Variants in RBFOX1 observed in about 807,000 individuals in gnomAD.
RBFOX1 encodes the protein RNA binding fox-1 homolog 1.
Under a neutral mutation model 57.7 loss-of-function variants are expected in RBFOX1, and 8 were observed. The ratio of observed to expected loss-of-function variants is 0.14; its 90% CI spans 0.08 to 0.25. The LOEUF (loss-of-function observed/expected upper bound fraction) is 0.25, where lower values mean the gene tolerates loss of function less well. Ranked by LOEUF, RBFOX1 falls within the 10% of genes least tolerant of loss-of-function variation. The pLI is 1.00. For missense variants in RBFOX1, 611 were observed against 548.5 expected (o/e 1.11, Z -1.14); for synonymous variants, 326 against 222.4 (o/e 1.47, Z -4.15).
intron 3 of RBFOX1, among the ~76,000 whole-genome samples, chr16:6,760,358 T>C (rs1225646793): frequency 6.6e-6 from 1 of 152,218 alleles, no homozygotes; most frequent in African/African-American, 2.4e-5. Context: ...TTCAGTCTTT[T>C]GTTTTTAAAG....
At chr16:7,237,315 A>T (rs1603428217) in intron 4 of RBFOX1, among the ~76,000 whole-genome samples, 1 of 152,162 alleles carries the variant, frequency 6.6e-6, no homozygotes, top group East Asian at 1.9e-4. Flanking sequence ...TGAGCATTTG[A>T]ATGAGTCATC....
chr16:5,332,617 T>G (rs1170590883), intron 1 of RBFOX1, among the ~76,000 whole-genome samples: 1 of 149,920 alleles, frequency 6.7e-6, no homozygotes, highest in East Asian at 2.0e-4. Context: ...AATATATATA[T>G]TACAATTACA....
chr16:6,478,407 ATATATATATATATATATATATATTTT>A (rs1315166797), intron 2 of RBFOX1, among the ~76,000 whole-genome samples: 1 of 18,480 alleles, frequency 5.4e-5, no homozygotes, highest in African/African-American at 3.2e-4. Flanking sequence ...ATATATATAT[ATATATATATATATATATATATATTTT>A]TTTTTTTTTT....
At chr16:7,322,733 A>G (rs1430869536) in intron 4 of RBFOX1, among the ~76,000 whole-genome samples, 4 of 152,186 alleles carry the variant, frequency 2.6e-5, no homozygotes, top group Non-Finnish European at 5.9e-5. Context: ...GCTCAATGGT[A>G]TGGGAAAAAG....
intron 4 of RBFOX1, among the ~76,000 whole-genome samples, chr16:7,065,409 C>T (rs1203321073): frequency 6.6e-6 from 1 of 152,146 alleles, no homozygotes; most frequent in Non-Finnish European, 1.5e-5. Context: ...TCCAAGCACC[C>T]TGCCTCGTTC....
At chr16:7,239,929 T>C (rs2093971083) in intron 4 of RBFOX1, among the ~76,000 whole-genome samples, 1 of 152,188 alleles carries the variant, frequency 6.6e-6, no homozygotes, top group Non-Finnish European at 1.5e-5. Context: ...TCAATTGTAA[T>C]CAAATTCCAA....
At chr16:6,940,123 C>A (rs780591651) in intron 3 of RBFOX1, among the ~76,000 whole-genome samples, 3 of 152,024 alleles carry the variant, frequency 2.0e-5, no homozygotes, top group Admixed American at 6.6e-5. Context: ...ACCCAGGAGG[C>A]GGAGGTTGCA....
chr16:7,024,323 G>C (rs1335228238), intron 3 of RBFOX1, among the ~76,000 whole-genome samples: 1 of 152,048 alleles, frequency 6.6e-6, no homozygotes, highest in Non-Finnish European at 1.5e-5. Context: ...GTGCCATCCT[G>C]GTACCATAAG....
At chr16:7,356,838 T>C (rs2097222496) in intron 4 of RBFOX1, among the ~76,000 whole-genome samples, 1 of 152,214 alleles carries the variant, frequency 6.6e-6, no homozygotes, top group Admixed American at 6.5e-5. Context: ...GGACTTACTA[T>C]TATGCGTAGT....
chr16:7,004,923 C>G (rs948370638), intron 3 of RBFOX1, among the ~76,000 whole-genome samples: 3 of 152,122 alleles, frequency 2.0e-5, no homozygotes, highest in Non-Finnish European at 4.4e-5. Context: ...GTGGGCCGAT[C>G]ACTTGAGGTC....
At chr16:7,331,034 C>T (rs1471002593) in intron 4 of RBFOX1, among the ~76,000 whole-genome samples, 1 of 152,210 alleles carries the variant, frequency 6.6e-6, no homozygotes, top group East Asian at 1.9e-4. Context: ...CACTTTGATG[C>T]ATGAGAATCA....
intron 2 of RBFOX1, among the ~76,000 whole-genome samples, chr16:6,376,527 G>A (rs902657267): frequency 4.6e-5 from 7 of 152,126 alleles, no homozygotes; most frequent in African/African-American, 1.2e-4. Flanking sequence ...TTGCAGCTGC[G>A]TTTTTGAAAG....
intron 4 of RBFOX1, among the ~76,000 whole-genome samples, chr16:7,331,120 G>A (rs1474032432): frequency 2.6e-5 from 4 of 152,144 alleles, no homozygotes; most frequent in Admixed American, 6.5e-5. Flanking sequence ...CCTGTCCGCC[G>A]TCGTTATCTA....
Position 7,710,899 on chromosome 16 carries a change from A to G in RBFOX1, c.*154A>G. On this transcript the variant is annotated 3_prime_UTR_variant, in exon 16 of 16. Coordinates refer to ENST00000550418, the MANE Select transcript of RBFOX1 (RefSeq NM_018723.4). Reference sequence around the variant, plus strand: ...AAAAAAATTACATTTTTTATCTTATACCTCAGATATTTTGTTCTGTGTATT... The same window carrying G: ...AAAAAAATTACATTTTTTATCTTATGCCTCAGATATTTTGTTCTGTGTATT... 1 of 812,330 alleles carries G rather than the reference A, an allele frequency of 1.2e-6. No homozygotes were observed. Among genetic ancestry groups the G allele is most frequent in the Non-Finnish European group, 1.7e-6 (1 of 588,012 alleles). The allele number at this position is 812,330 out of a possible 1,614,324, so 50.3% of individuals were successfully genotyped here. A position where few individuals can be genotyped will look rare whatever the true frequency, so the allele number is the denominator to read the frequency against.
intron 4 of RBFOX1, among the ~76,000 whole-genome samples, chr16:7,296,033 C>T (rs779498910): frequency 1.3e-5 from 2 of 151,614 alleles, no homozygotes; most frequent in Non-Finnish European, 2.9e-5. Flanking sequence ...TGATAGCTAA[C>T]AAGTATTGTT....
At chr16:5,783,003 A>C (rs2054373958) in intron 3 of RBFOX1, among the ~76,000 whole-genome samples, 1 of 152,168 alleles carries the variant, frequency 6.6e-6, no homozygotes, top group African/African-American at 2.4e-5. Flanking sequence ...CACTGATTTA[A>C]ATACTCTTTG....
intron 2 of RBFOX1, among the ~76,000 whole-genome samples, chr16:6,469,496 C>G (rs947542111): frequency 2.6e-5 from 4 of 152,014 alleles, no homozygotes; most frequent in Admixed American, 1.3e-4. Context: ...GTGCACTATG[C>G]GAAAAAGAGT....
chr16:6,914,717 G>A (rs2072664284), intron 3 of RBFOX1, among the ~76,000 whole-genome samples: 1 of 152,094 alleles, frequency 6.6e-6, no homozygotes, highest in South Asian at 2.1e-4. Flanking sequence ...GTACCAATAA[G>A]CTGAAAATTA....
chr16:6,713,803 A>G (rs2064199206), intron 3 of RBFOX1, among the ~76,000 whole-genome samples: 1 of 152,068 alleles, frequency 6.6e-6, no homozygotes, highest in African/African-American at 2.4e-5. Flanking sequence ...CACCTTCTGG[A>G]AAAGCTTTTT....
Sources: allele counts gnomAD v4.1 joint callset (sites outside exome capture counted in the v4.1 genomes callset), GRCh38; gene constraint gnomAD v4.1.1; transcripts MANE v1.5; gene names NCBI Gene and HGNC (gene_info 2026-07-23, HGNC 2026-07-21).